Variants in TBC1D5 observed in about 807,000 individuals in gnomAD.
TBC1D5 encodes TBC1 domain family member 5, also known as TBC1 domain family, member 5.
A neutral mutation model predicts 100.3 loss-of-function variants in TBC1D5; 75 were observed. That is an observed-to-expected ratio of 0.75 (90% CI 0.62 to 0.91). The LOEUF (loss-of-function observed/expected upper bound fraction) is 0.91. Ranked by LOEUF, TBC1D5 falls within the 40% of genes least tolerant of loss-of-function variation. TBC1D5 has a pLI of 0.00. For missense variants in TBC1D5, 910 were observed against 942.4 expected (o/e 0.97, Z 0.45); for synonymous variants, 323 against 325.6 (o/e 0.99, Z 0.09).
chr3:17,703,530 T>G (rs1437665948), intron 1 of TBC1D5, among the ~76,000 whole-genome samples: 3 of 152,140 alleles, frequency 2.0e-5, no homozygotes, highest in Non-Finnish European at 4.4e-5. Context: ...TTCTTTATCA[T>G]AAGATGTGCA....
chr3:17,274,799 A>AGAAC (rs1044898995), intron 15 of TBC1D5, among the ~76,000 whole-genome samples: 1 of 152,242 alleles, frequency 6.6e-6, no homozygotes, highest in African/African-American at 2.4e-5. Context: ...TATTGCAATA[A>AGAAC]GAACCTCAAG....
intron 1 of TBC1D5, among the ~76,000 whole-genome samples, chr3:17,705,028 G>A (rs1355653714): frequency 9.1e-5 from 11 of 121,526 alleles, no homozygotes; most frequent in Middle Eastern, 4.9e-3. Context: ...CCTCCCGGAC[G>A]GGGCGGCTGG....
chr3:17,484,461 T>C (rs933962307), intron 3 of TBC1D5, among the ~76,000 whole-genome samples: 1 of 148,630 alleles, frequency 6.7e-6, no homozygotes, highest in African/African-American at 2.5e-5. Flanking sequence ...CCAGGGTGTG[T>C]GTGTGTGTGT....
At chr3:17,656,271 C>G (rs189100841) in intron 1 of TBC1D5, among the ~76,000 whole-genome samples, 4 of 152,152 alleles carry the variant, frequency 2.6e-5, no homozygotes, top group Admixed American at 2.6e-4. Context: ...CATCAGTAAA[C>G]CAGAACCTTC....
At chr3:17,185,713 TA>T (rs973256913) in intron 18 of TBC1D5, among the ~76,000 whole-genome samples, 8 of 144,714 alleles carry the variant, frequency 5.5e-5, no homozygotes, top group East Asian at 1.9e-4. Context: ...AAAAAAAAAA[TA>T]AAAAAAAAGA....
intron 8 of TBC1D5, among the ~76,000 whole-genome samples, chr3:17,388,933 T>C (rs931905528): frequency 5.9e-5 from 9 of 152,042 alleles, no homozygotes; most frequent in African/African-American, 2.2e-4. Context: ...ATAATAAAAA[T>C]AATAATCTAT....
At chr3:17,732,202 C>T (rs1472560828) in intron 1 of TBC1D5, among the ~76,000 whole-genome samples, 1 of 152,016 alleles carries the variant, frequency 6.6e-6, no homozygotes, top group Non-Finnish European at 1.5e-5. Flanking sequence ...CCTGTAATCC[C>T]AGCTACCCAG....
intron 2 of TBC1D5, among the ~76,000 whole-genome samples, chr3:17,605,980 C>T (rs2061311396): frequency 6.6e-6 from 1 of 152,154 alleles, no homozygotes; most frequent in Non-Finnish European, 1.5e-5. Flanking sequence ...GTTCTAGACA[C>T]ATTTATTTTG....
chr3:17,274,126 TA>T (rs886355223), intron 15 of TBC1D5, among the ~76,000 whole-genome samples: 3 of 152,042 alleles, frequency 2.0e-5, no homozygotes, highest in African/African-American at 7.2e-5. Context: ...GAATAGTTGG[TA>T]AAAAATAATA....
rs1415766428 is a variant in TBC1D5, at chr3:17,439,958, T to C, written c.98-11439A>G. The stretch of plus-strand genomic sequence containing the variant: ...CCTAATTAATAAATGCATTTTGTAA[T>C]TCAAACTTTGTCATAAATTTAGATG... On this transcript the variant is annotated intron_variant, in intron 3 of 21. Coordinates refer to ENST00000253692, the Ensembl canonical transcript of TBC1D5. Among the ~76,000 whole-genome samples the C allele has an allele frequency of 3.3e-5, 5 of 152,192 alleles. No homozygotes were observed. The South Asian group carries it at 1.0e-3, about 32-fold the overall frequency.
chr3:17,476,033 G>A lies in TBC1D5; in HGVS notation c.97+32441C>T, dbSNP rs142167384. Among the ~76,000 whole-genome samples the A allele has an allele frequency of 2.9e-3, 444 of 151,856 alleles. 9 individuals carry two copies. Among genetic ancestry groups the A allele is most frequent in the Non-Finnish European group, 9.3e-4 (63 of 67,854 alleles). The stretch of plus-strand genomic sequence containing the variant: ...CATGGTTCCTTTACTACAAAATATA[G>A]GCCTTTTTCATGCCATTTTCATATT... On this transcript the variant is annotated intron_variant, in intron 3 of 21. Coordinates refer to ENST00000253692, the Ensembl canonical transcript of TBC1D5.
intron 14 of TBC1D5, among the ~76,000 whole-genome samples, chr3:17,304,286 G>A (rs1472549582): frequency 1.3e-5 from 2 of 152,134 alleles, no homozygotes; most frequent in Admixed American, 6.5e-5. Context: ...GTATATGGGA[G>A]GGAAACCAAG....
chr3:17,588,277 C>T (rs1176301091), intron 2 of TBC1D5, among the ~76,000 whole-genome samples: 1 of 148,400 alleles, frequency 6.7e-6, no homozygotes, highest in African/African-American at 2.5e-5. Context: ...AAAGAGAACA[C>T]TATGGGCAGA....
chr3:17,707,221 C>T (rs2153911855), intron 1 of TBC1D5, among the ~76,000 whole-genome samples: 1 of 152,058 alleles, frequency 6.6e-6, no homozygotes, highest in Admixed American at 6.5e-5. Context: ...AATTACAGGT[C>T]ATGCATTATT....
Position 17,698,054 on chromosome 3 carries a change from T to C in TBC1D5, c.-101+41289A>G, listed in dbSNP as rs532786571. 4.9e-3 allele frequency among the ~76,000 whole-genome samples: 748 copies of C among 151,884 alleles called. 3 individuals carry two copies. The highest frequency in any genetic ancestry group is 0.017 in the African/African-American group (704 of 41,440). On this transcript the variant is annotated intron_variant, in intron 1 of 21. Coordinates refer to ENST00000253692, the Ensembl canonical transcript of TBC1D5. ...TTGGAAAAAACTACTTTCAAGTTCA[T>C]ATGGAACCAAAAAAGAGCCCACATT... is the stretch of plus-strand genomic sequence containing the variant.
At chr3:17,497,707 G>A (rs1447088254) in intron 3 of TBC1D5, among the ~76,000 whole-genome samples, 3 of 152,146 alleles carry the variant, frequency 2.0e-5, no homozygotes, top group African/African-American at 4.8e-5. Context: ...GGCTATTAAA[G>A]TTTTTCTACA....
chr3:17,177,943 C>G (rs1253586495), intron 19 of TBC1D5, among the ~76,000 whole-genome samples: 1 of 152,060 alleles, frequency 6.6e-6, no homozygotes, highest in Admixed American at 6.6e-5. Context: ...TTTTAGATCC[C>G]TCAAATAAGA....
intron 2 of TBC1D5, chr3:17,575,058 C>T (rs997610633): frequency 1.3e-5 from 2 of 152,198 alleles, no homozygotes. Flanking sequence ...GGTGCAATAG[C>T]TCAGGCCTGT....
intron 2 of TBC1D5, among the ~76,000 whole-genome samples, chr3:17,578,873 T>A (rs1237993251): frequency 2.6e-5 from 4 of 152,024 alleles, no homozygotes; most frequent in African/African-American, 9.7e-5. Flanking sequence ...ACAGAAATTG[T>A]GAACTCCAAA....
Sources: gnomAD v4.1 joint callset for allele counts (sites outside exome capture counted in the v4.1 genomes callset) on GRCh38, gnomAD v4.1.1 for gene constraint, MANE v1.5 for transcripts, NCBI Gene and HGNC (gene_info 2026-07-23, HGNC 2026-07-21) for gene names.